Variants in PARD3B observed in about 807,000 individuals in gnomAD.
The protein encoded by PARD3B is par-3 family cell polarity regulator beta.
Under a neutral mutation model 130.2 loss-of-function variants are expected in PARD3B, and 103 were observed. The observed-to-expected ratio is 0.79, with a 90% confidence interval of 0.67 to 0.93. The LOEUF (loss-of-function observed/expected upper bound fraction) is 0.93, where lower values mean the gene tolerates loss of function less well. Among genes scored for constraint, PARD3B ranks in the 40% least tolerant of loss-of-function variants. The probability of loss-of-function intolerance (pLI) is 0.00; values close to 1 mark genes in which losing one functional copy is unlikely to be tolerated. For missense variants in PARD3B, 1,609 were observed against 1,499.2 expected, an observed-to-expected ratio of 1.07 and a Z score of -1.21; for synonymous variants, 583 against 553.2, an observed-to-expected ratio of 1.05 and a Z score of -0.76.
chr2:205,101,781 C>T lies in PARD3B; in HGVS notation c.505-2645C>T, dbSNP rs182753861. On this transcript the variant is annotated intron_variant, in intron 4 of 22. Coordinates refer to ENST00000406610, the MANE Select transcript of PARD3B (RefSeq NM_001302769.2). ...ATTCTAAGTGAAAGAAGCCACAAGT[C>T]TTATGATTCTGTTTATATGAAATGT... 2.2e-3 allele frequency among the ~76,000 whole-genome samples: 338 copies of T among 152,246 alleles called. 2 individuals carry two copies. The highest frequency in any genetic ancestry group is 0.021 in the Admixed American group (314 of 15,286).
In PARD3B at chr2:205,301,839, C is replaced by T. The variant is rs767672910; in HGVS notation, c.2630+138C>T. The T allele has an allele frequency of 9.6e-6, 13 of 1,358,242 alleles. No homozygotes were observed. Among genetic ancestry groups the T allele is most frequent in the African/African-American group, 4.3e-5 (3 of 69,638 alleles). 84.1% of individuals were successfully genotyped at this position (1,358,242 alleles called of 1,614,324 possible). A position where few individuals can be genotyped will look rare whatever the true frequency, so the allele number is the denominator to read the frequency against. ...TGCATACGGCTCTCAATTCTGTGCT[C>T]GTTCTCTTTCTGCAGAGGCAGAGGA... On this transcript the variant is annotated intron_variant, in intron 18 of 22. Coordinates refer to ENST00000406610, the MANE Select transcript of PARD3B (RefSeq NM_001302769.2). This position sits in a 1 kb window ranked among gnomAD's most constrained non-coding sequence, Gnocchi z 5.2.
intron 4 of PARD3B, among the ~76,000 whole-genome samples, chr2:205,068,146 C>G (rs183626248): frequency 6.6e-6 from 1 of 152,080 alleles, no homozygotes; most frequent in Admixed American, 6.6e-5. Context: ...TGGGACTGTG[C>G]GTATGTGTTG....
chr2:205,173,346 C>T (rs967906719), intron 12 of PARD3B, among the ~76,000 whole-genome samples: 3 of 152,128 alleles, frequency 2.0e-5, no homozygotes, highest in South Asian at 2.1e-4. Flanking sequence ...TCTGGAGTTT[C>T]GAATTGCTTG....
At chr2:204,578,738 T>A (rs566566115) in intron 1 of PARD3B, among the ~76,000 whole-genome samples, 1 of 152,270 alleles carries the variant, frequency 6.6e-6, no homozygotes, top group Admixed American at 6.5e-5. Context: ...GTTAAAAGTG[T>A]CACCTTTGTC....
intron 2 of PARD3B, among the ~76,000 whole-genome samples, chr2:204,814,347 T>A (rs769821319): frequency 2.6e-5 from 4 of 151,734 alleles, no homozygotes; most frequent in Non-Finnish European, 5.9e-5. Flanking sequence ...GTTTTATAAG[T>A]TATATATCAT....
In PARD3B at chr2:205,124,438, G is replaced by T. The variant is rs369199161; in HGVS notation, c.1277G>T (p.Arg426Leu). 1 of 1,597,906 alleles carries T rather than the reference G, an allele frequency of 6.3e-7. No individual in the cohort carries two copies. Among genetic ancestry groups the T allele is most frequent in the African/African-American group, 1.3e-5 (1 of 74,440 alleles). The change falls in exon 9 of 23, where the codon CGC (arginine) becomes CTC (leucine). Residue 426 changes from arginine to leucine, a missense_variant. Coordinates refer to ENST00000406610, the MANE Select transcript of PARD3B (RefSeq NM_001302769.2). ...AAGGGAGCAGCAATAAAAGATGGCC[G>T]CCTACAATCAGGGGACAGAATTTTG... ...LPKGAAIKDG[R>L]LQSGDRILEV...
Position 204,965,269 on chromosome 2 carries a change from G to A in PARD3B, c.340G>A (p.Ala114Thr). 1.2e-6 allele frequency: 2 copies of A among 1,613,834 alleles called. No homozygotes were observed. Among genetic ancestry groups the A allele is most frequent in the South Asian group, 1.1e-5 (1 of 91,066 alleles). The change falls in exon 3 of 23, where the codon GCA becomes ACA. Residue 114 changes from alanine (A) to threonine (T), a missense_variant. Physicochemically the swap from Ala to Thr is moderately conservative, Grantham distance 58 (BLOSUM62 0). Coordinates refer to ENST00000406610, the MANE Select transcript of PARD3B (RefSeq NM_001302769.2). ...GACAGAAGTGGCCGCCCAACTGGCC[G>A]CATTTAAGCCAATTGGTGGGGAGAT... ...FETEVAAQLA[A>T]FKPIGGEIEV...
chr2:204,732,571 C>A, intron 2 of PARD3B, among the ~76,000 whole-genome samples: 1 of 148,644 alleles, frequency 6.7e-6, no homozygotes, highest in South Asian at 2.1e-4. Context: ...GTGGTGCAAT[C>A]TCAGCTCACT....
In PARD3B at chr2:204,686,163, G is replaced by A. The variant is rs767614295; in HGVS notation, c.121-18G>A. 5.3e-6 allele frequency: 8 copies of A among 1,522,726 alleles called. No individual in the cohort carries two copies. The highest frequency in any genetic ancestry group is 7.3e-6 in the Non-Finnish European group (8 of 1,097,752). 94.3% of individuals were successfully genotyped at this position (1,522,726 alleles called of 1,614,324 possible). Reference sequence around the variant, plus strand: ...TAACATAGATTAGGTCATTAAACTTGTGTTTGTTCTACTATAGGGTCCTGG... The same window carrying A: ...TAACATAGATTAGGTCATTAAACTTATGTTTGTTCTACTATAGGGTCCTGG... On this transcript the variant is annotated intron_variant, in intron 1 of 22. Coordinates refer to ENST00000406610, the MANE Select transcript of PARD3B (RefSeq NM_001302769.2).
intron 4 of PARD3B, among the ~76,000 whole-genome samples, chr2:205,050,378 T>C (rs888568994): frequency 6.6e-6 from 1 of 151,742 alleles, no homozygotes; most frequent in African/African-American, 2.4e-5. Context: ...GTGTGTTTAT[T>C]TTTACTAGAA....
intron 19 of PARD3B, among the ~76,000 whole-genome samples, chr2:205,408,348 A>G (rs902382902): frequency 6.6e-6 from 1 of 152,202 alleles, no homozygotes; most frequent in African/African-American, 2.4e-5. Context: ...TGAGAATTCA[A>G]GTGGGTGAAA....
At chr2:204,864,031 G>A (rs561996790) in intron 2 of PARD3B, among the ~76,000 whole-genome samples, 230 of 152,206 alleles carry the variant, frequency 1.5e-3, no homozygotes, top group African/African-American at 5.2e-3. Context: ...ATTTTCCATG[G>A]GGGTGTTCCT....
At chr2:205,495,286 A>T (rs2049883693) in intron 20 of PARD3B, among the ~76,000 whole-genome samples, 2 of 152,206 alleles carry the variant, frequency 1.3e-5, no homozygotes, top group African/African-American at 4.8e-5. Context: ...TACAATATAC[A>T]TCATGTTATT....
chr2:205,534,408 G>C (rs1336675256), intron 21 of PARD3B, among the ~76,000 whole-genome samples: 6 of 152,120 alleles, frequency 3.9e-5, no homozygotes, highest in African/African-American at 1.4e-4. Context: ...GTGAGAAGGA[G>C]AATGGACGGA....
chr2:205,046,910 A>G (rs1698826246), intron 3 of PARD3B, among the ~76,000 whole-genome samples: 1 of 152,222 alleles, frequency 6.6e-6, no homozygotes, highest in Non-Finnish European at 1.5e-5. Context: ...ACTTTCTAAT[A>G]GTATGATCTT....
At chr2:204,813,151 C>A (rs879629052) in intron 2 of PARD3B, among the ~76,000 whole-genome samples, 8 of 152,124 alleles carry the variant, frequency 5.3e-5, no homozygotes, top group African/African-American at 1.9e-4. Flanking sequence ...AGTGGTTGTA[C>A]AATTTTTACA....
At chr2:204,748,736 G>A (rs75483102) in intron 2 of PARD3B, among the ~76,000 whole-genome samples, 4,198 of 152,164 alleles carry the variant, frequency 0.028, 184 homozygotes, top group African/African-American at 0.096. Flanking sequence ...CTGCTGGTCA[G>A]AATGCACACT....
At chr2:205,218,196 T>C (rs2038053359) in intron 15 of PARD3B, among the ~76,000 whole-genome samples, 1 of 151,858 alleles carries the variant, frequency 6.6e-6, no homozygotes, top group Non-Finnish European at 1.5e-5. Flanking sequence ...CCAGCCCAAA[T>C]TTTCTATTTT....
chr2:205,105,154 C>T lies in PARD3B; in HGVS notation c.593+640C>T, dbSNP rs1307166528. On this transcript the variant is annotated intron_variant, in intron 5 of 22. Coordinates refer to ENST00000406610, the MANE Select transcript of PARD3B (RefSeq NM_001302769.2). This position sits in a 1 kb window ranked among gnomAD's most constrained non-coding sequence, Gnocchi z 4.0. ...GTGAGCTTAGACAAGTTACTCATTT[C>T]TCTTTCTCTTAGTTTCTAGTCTGTA... 1.3e-5 allele frequency among the ~76,000 whole-genome samples: 2 copies of T among 152,128 alleles called. No individual in the cohort carries two copies. Among genetic ancestry groups the T allele is most frequent in the East Asian group, 3.9e-4 (2 of 5,190 alleles).
Sources: gnomAD v4.1 joint callset for allele counts (sites outside exome capture counted in the v4.1 genomes callset) on GRCh38, gnomAD v4.1.1 for gene constraint, Gnocchi (gnomAD v3.1) non-coding constraint, MANE v1.5 for transcripts, NCBI Gene and HGNC (gene_info 2026-07-23, HGNC 2026-07-21) for gene names.